EHBP1: variants seen among roughly 807,000 people sequenced by gnomAD.
The protein encoded by EHBP1 is EH domain-binding protein 1.
In EHBP1, 55 loss-of-function variants were observed where a neutral mutation model predicts 144.0. That is an observed-to-expected ratio of 0.38 (90% CI 0.31 to 0.48). EHBP1 has a LOEUF of 0.48. Ranked by LOEUF, EHBP1 falls within the 20% of genes least tolerant of loss-of-function variation. The pLI is 0.98. For missense variants in EHBP1, 1,200 were observed against 1,364.2 expected (o/e 0.88, Z 1.90); for synonymous variants, 469 against 472.7 (o/e 0.99, Z 0.10).
intron 19 of EHBP1, among the ~76,000 whole-genome samples, chr2:63,019,111 C>T (rs1052492447): frequency 5.3e-5 from 8 of 151,950 alleles, no homozygotes; most frequent in African/African-American, 1.9e-4. Flanking sequence ...CTTTTATATC[C>T]ATTAAAAAAA....
chr2:62,718,022 G>A (rs2035856128), intron 2 of EHBP1, among the ~76,000 whole-genome samples: 2 of 152,126 alleles, frequency 1.3e-5, no homozygotes, highest in African/African-American at 4.8e-5. Flanking sequence ...ATATAAATTT[G>A]TTTGCAGACT....
chr2:62,789,569 TA>T (rs2043037089), intron 5 of EHBP1, among the ~76,000 whole-genome samples: 1 of 152,232 alleles, frequency 6.6e-6, no homozygotes, highest in East Asian at 1.9e-4. Flanking sequence ...GCTCTGGATT[TA>T]ATTCTTAACT....
At chr2:62,754,464 G>T (rs1039352083) in intron 3 of EHBP1, among the ~76,000 whole-genome samples, 4 of 152,194 alleles carry the variant, frequency 2.6e-5, no homozygotes, top group Admixed American at 2.0e-4. Context: ...GAGGCAGTCT[G>T]TCTGTTCTCA....
At chr2:62,932,047 T>G (rs2056039015) in intron 10 of EHBP1, among the ~76,000 whole-genome samples, 1 of 151,902 alleles carries the variant, frequency 6.6e-6, no homozygotes, top group Non-Finnish European at 1.5e-5. Context: ...GATGGTGATA[T>G]GCACCTGTGG....
intron 9 of EHBP1, 27 bp from the exon 10 acceptor site, chr2:62,874,319 T>G (rs72807600): frequency 0.033 from 49,468 of 1,487,810 alleles, 1,038 homozygotes; most frequent in Middle Eastern, 0.041. Flanking sequence ...TTGAGAGACA[T>G]CTAACAATAA....
At chr2:62,813,260 C>A (rs139335274) in intron 5 of EHBP1, among the ~76,000 whole-genome samples, 1 of 151,986 alleles carries the variant, frequency 6.6e-6, no homozygotes, top group South Asian at 2.1e-4. Context: ...CAGGCTCAAC[C>A]GGTAGGCCTT....
chr2:62,852,295 A>G (rs1481232103), intron 7 of EHBP1, among the ~76,000 whole-genome samples: 1 of 152,104 alleles, frequency 6.6e-6, no homozygotes, highest in African/African-American at 2.4e-5. Flanking sequence ...AGGACTAATA[A>G]ATAATACTAA....
rs146317322 is a variant in EHBP1, at chr2:62,684,061, G to A, written c.-296+9978G>A. Among the ~76,000 whole-genome samples the A allele has an allele frequency of 1.9e-3, 288 of 152,304 alleles. 1 individual carries two copies. Among genetic ancestry groups the A allele is most frequent in the African/African-American group, 6.7e-3 (277 of 41,564 alleles). On this transcript the variant is annotated intron_variant, in intron 1 of 22. Transcript: ENST00000405015. ...CAAGTGTAAGTGCACACACGTTGGA[G>A]TTTATTATATTATAGTATTGTCATC...
intron 14 of EHBP1, among the ~76,000 whole-genome samples, chr2:62,962,792 G>A (rs573424769): frequency 2.6e-5 from 4 of 152,302 alleles, no homozygotes; most frequent in East Asian, 3.9e-4. Context: ...CAGTAATTAC[G>A]TAGCATAAGA....
intron 10 of EHBP1, among the ~76,000 whole-genome samples, chr2:62,932,172 A>G (rs2056050667): frequency 6.6e-6 from 1 of 151,078 alleles, no homozygotes; most frequent in Non-Finnish European, 1.5e-5. Flanking sequence ...GCGAGACGGC[A>G]TCTAAAAAAA....
At chr2:63,022,232 A>G (rs1233468838) in intron 19 of EHBP1, among the ~76,000 whole-genome samples, 1 of 152,092 alleles carries the variant, frequency 6.6e-6, no homozygotes, top group African/African-American at 2.4e-5. Flanking sequence ...TTTTCACATC[A>G]TTGGCCATTC....
At chr2:63,022,364 G>C (rs1015964388) in intron 19 of EHBP1, among the ~76,000 whole-genome samples, 4 of 151,700 alleles carry the variant, frequency 2.6e-5, no homozygotes. Context: ...GCACAGGCTG[G>C]AGTGCAATGG....
In EHBP1 at chr2:62,710,315, A is replaced by G. The variant is rs572659256; in HGVS notation, c.104+3020A>G. ...TAATATATGACATGAATCATTATGTATGAATACGTATTATATTTTGTATGT... is the reference window on the plus strand; with the variant it reads ...TAATATATGACATGAATCATTATGTGTGAATACGTATTATATTTTGTATGT... On this transcript the variant is annotated intron_variant, in intron 2 of 22. Coordinates refer to ENST00000431489, the MANE Select transcript of EHBP1 (RefSeq NM_001142616.3). 2.4e-4 allele frequency among the ~76,000 whole-genome samples: 36 copies of G among 152,128 alleles called. No individual in the cohort carries two copies. The East Asian group carries it at 3.5e-3, about 15-fold the overall frequency.
Position 62,859,271 on chromosome 2 carries a change from T to C in EHBP1, c.737T>C (p.Phe246Ser), listed in dbSNP as rs557049002. ...CCTGATGCTGCAGAATTAAATCCAT[T>C]TGGAGATCCTGACTCAGAAGGTAGC... The part of the protein sequence containing the change: ...DDPDAAELNP[F>S]GDPDSEEPIT... The change falls in exon 8 of 23, where the codon TTT becomes TCT. Residue 246 changes from phenylalanine to serine, a missense_variant. By Grantham distance (155) the Phe-to-Ser change is radical (BLOSUM62 -2). This residue lies in a region of EHBP1 where 266 missense variants were observed against 262.4 expected (regional missense o/e 1.01). Coordinates refer to ENST00000431489, the MANE Select transcript of EHBP1 (RefSeq NM_001142616.3). The C allele has an allele frequency of 2.2e-5, 35 of 1,606,422 alleles. No individual in the cohort carries two copies. In the East Asian group the frequency reaches 7.4e-4, roughly 34 times the overall value.
chr2:62,747,360 G>A, intron 2 of EHBP1, 35 bp from the exon 3 acceptor site: 1 of 1,588,678 alleles, frequency 6.3e-7, no homozygotes, highest in South Asian at 1.1e-5. Context: ...ATTTATTTAA[G>A]ATAAATTATG....
intron 15 of EHBP1, among the ~76,000 whole-genome samples, chr2:62,989,799 T>G (rs1473540409): frequency 1.3e-5 from 2 of 152,184 alleles, no homozygotes; most frequent in Non-Finnish European, 2.9e-5. Context: ...CAAATTTTTT[T>G]CATATGTATA....
chr2:62,777,125 C>T (rs985382655), intron 5 of EHBP1, among the ~76,000 whole-genome samples: 8 of 152,154 alleles, frequency 5.3e-5, no homozygotes, highest in Admixed American at 1.3e-4. Flanking sequence ...CAGGTGCACA[C>T]CATTATACCT....
chr2:62,963,288 G>A (rs939800718), intron 14 of EHBP1, among the ~76,000 whole-genome samples: 2 of 152,126 alleles, frequency 1.3e-5, no homozygotes, highest in Non-Finnish European at 2.9e-5. Flanking sequence ...TACTTTTGAT[G>A]TTGATTGGAA....
intron 2 of EHBP1, among the ~76,000 whole-genome samples, chr2:62,713,098 G>A (rs1213722818): frequency 6.6e-6 from 1 of 152,052 alleles, no homozygotes; most frequent in East Asian, 1.9e-4. Context: ...AGAGTTGGTG[G>A]CTGAGGTGAA....
Sources: gnomAD v4.1 joint callset for allele counts (sites outside exome capture counted in the v4.1 genomes callset) on GRCh38, gnomAD v4.1.1 for gene constraint, gnomAD v4.1.1 regional missense constraint, MANE v1.5 for transcripts, NCBI Gene and HGNC (gene_info 2026-07-23, HGNC 2026-07-21) for gene names.